The following PTPN23 variants were observed in gnomAD, a reference collection of about 807,000 sequenced individuals.
PTPN23 encodes tyrosine-protein phosphatase non-receptor type 23.
PTPN23 carries 72 observed loss-of-function variants against 156.3 expected under a neutral mutation model. That is an observed-to-expected ratio of 0.46 (90% CI 0.38 to 0.56). The LOEUF (loss-of-function observed/expected upper bound fraction) is 0.56. PTPN23 is among the 20% of genes least tolerant of loss of function. PTPN23 has a pLI of 0.00. For missense variants in PTPN23, 1,974 were observed against 2,171.5 expected (o/e 0.91, Z 1.81); for synonymous variants, 957 against 899.6 (o/e 1.06, Z -1.14).
At chr3:47,382,730 C>T (rs1266251206) in intron 1 of PTPN23, among the ~76,000 whole-genome samples, 1 of 125,208 alleles carries the variant, frequency 8.0e-6, no homozygotes, top group Non-Finnish European at 1.6e-5. Context: ...ACTCTGTCAC[C>T]CAGGCTGGAG....
Position 47,405,825 on chromosome 3 carries a change from T to C in PTPN23, c.414+27T>C, listed in dbSNP as rs979051926. ...TGAGGAGAGGGGCAGTAGTGGAACA[T>C]GTGGACATACCAGGGAGGGGCAGCC... On this transcript the variant is annotated intron_variant, in intron 5 of 24. Transcript: ENST00000265562. The surrounding 1 kb of genome is among the most constrained non-coding windows in gnomAD (Gnocchi z 4.7). 15 of 1,588,932 alleles carry C rather than the reference T, an allele frequency of 9.4e-6. No homozygotes were observed. Among genetic ancestry groups the C allele is most frequent in the African/African-American group, 1.3e-5 (1 of 74,426 alleles).
At chr3:47,398,472 C>T (rs1005746089) in intron 2 of PTPN23, among the ~76,000 whole-genome samples, 1 of 152,116 alleles carries the variant, frequency 6.6e-6, no homozygotes, top group Admixed American at 6.6e-5. Context: ...CAGATTCTCC[C>T]CCTTCCCCGG....
rs774907665 is a variant in PTPN23 at position 47,406,674 on chromosome 3, A to G, written c.760-29A>G. ...GCTGAGTGGCCACAGCTCAGGAAGC[A>G]AGTCGTGGCGTCTCTTCTTCTTTCC... On this transcript the variant is annotated intron_variant, in intron 8 of 24. Transcript: ENST00000265562. This position sits in a 1 kb window ranked among gnomAD's most constrained non-coding sequence, Gnocchi z 5.8. 5 of 1,613,860 alleles carry G rather than the reference A, an allele frequency of 3.1e-6. No homozygotes were observed. The African/African-American group carries it at 6.7e-5, about 22-fold the overall frequency.
rs1408272313 is a variant in PTPN23, at chr3:47,410,663, C to G, written c.2865C>G (p.Pro955=). The G allele has an allele frequency of 1.2e-6, 2 of 1,611,274 alleles. No homozygotes were observed. The highest frequency in any genetic ancestry group is 8.5e-7 in the Non-Finnish European group (1 of 1,179,076). The change falls in exon 20 of 25, where the codon CCC becomes CCG. Residue 955 remains proline, a synonymous_variant. Transcript: ENST00000265562. ...CAGCCCCAAGGATTGGGCCCCAGCC[C>G]CAGCCCCATCCTCAGCCCCATCCTT... ...GFPAPRIGPQ[P]QPHPQPHPSQ... is the part of the protein sequence containing the mutation.
intron 1 of PTPN23, among the ~76,000 whole-genome samples, chr3:47,382,579 C>G (rs370120348): frequency 6.6e-6 from 1 of 151,792 alleles, no homozygotes; most frequent in African/African-American, 2.4e-5. Context: ...CCTCGGCCTC[C>G]CAAAGTGCTG....
At chr3:47,382,976 C>T (rs933794657) in intron 1 of PTPN23, among the ~76,000 whole-genome samples, 30 of 152,050 alleles carry the variant, frequency 2.0e-4, no homozygotes, top group East Asian at 7.7e-4. Flanking sequence ...CATGAGCCAC[C>T]GCGCCTGGCC....
In PTPN23 at chr3:47,410,541, C is replaced by A; in HGVS notation, c.2743C>A (p.Pro915Thr). 1 of 1,611,486 alleles carries A rather than the reference C, an allele frequency of 6.2e-7. No individual in the cohort carries two copies. Among genetic ancestry groups the A allele is most frequent in the Non-Finnish European group, 8.5e-7 (1 of 1,179,140 alleles). Reference sequence around the variant, plus strand: ...CCCGCCCTGCTTCCCTGTGCCCCCACCGCAGCCACTGCCCACGCCTTACAC... The same window carrying A: ...CCCGCCCTGCTTCCCTGTGCCCCCAACGCAGCCACTGCCCACGCCTTACAC... ...PPPPCFPVPP[P>T]QPLPTPYTYP... Residue 915 changes from proline (P) to threonine (T), a missense_variant, in exon 20 of 25, where the codon CCG becomes ACG. By Grantham distance (38) the Pro-to-Thr change is conservative (BLOSUM62 -1). Coordinates refer to ENST00000265562, the MANE Select transcript of PTPN23 (RefSeq NM_015466.4).
Position 47,406,197 on chromosome 3 carries a change from G to T in PTPN23, c.547-128G>T. 1 of 1,458,550 alleles carries T rather than the reference G, an allele frequency of 6.9e-7. No homozygotes were observed. Among genetic ancestry groups the T allele is most frequent in the South Asian group, 1.2e-5 (1 of 81,294 alleles). 90.4% of individuals were successfully genotyped at this position (1,458,550 alleles called of 1,614,324 possible). On this transcript the variant is annotated intron_variant, in intron 6 of 24. Transcript: ENST00000265562. This position sits in a 1 kb window ranked among gnomAD's most constrained non-coding sequence, Gnocchi z 5.8. Reference sequence around the variant, plus strand: ...ATCAGGAGCACCGTGGTGCTGCTTGGAGTGGGGGCAGCTGGGGGAGAGGGC... The same window carrying T: ...ATCAGGAGCACCGTGGTGCTGCTTGTAGTGGGGGCAGCTGGGGGAGAGGGC...
rs959924197 is a variant in PTPN23 at position 47,404,900 on chromosome 3, C to G, written c.288-105C>G. 54 of 1,580,696 alleles carry G rather than the reference C, an allele frequency of 3.4e-5. No homozygotes were observed. The Admixed American group carries it at 9.1e-4, about 27-fold the overall frequency. On this transcript the variant is annotated intron_variant, in intron 3 of 24. Coordinates refer to ENST00000265562, the MANE Select transcript of PTPN23 (RefSeq NM_015466.4). ...TGGGGAATGGCCTCATATGGTCCCC[C>G]CAGGCCTCCCCACATCCCCACAATG...
In PTPN23 at chr3:47,410,272, C is replaced by T; in HGVS notation, c.2474C>T (p.Pro825Leu). 1.2e-6 allele frequency: 2 copies of T among 1,609,110 alleles called. No homozygotes were observed. Among genetic ancestry groups the T allele is most frequent in the South Asian group, 1.1e-5 (1 of 90,240 alleles). ...VAPGPALYPA[P>L]AYTPELGLVP... ...CCTGGGCCTGCCCTCTACCCAGCCCCTGCCTACACACCGGAGCTGGGCCTT... is the reference window on the plus strand; with the variant it reads ...CCTGGGCCTGCCCTCTACCCAGCCCTTGCCTACACACCGGAGCTGGGCCTT... The change falls in exon 20 of 25, where the codon CCT becomes CTT. Residue 825 changes from proline (P) to leucine (L), a missense_variant. Coordinates refer to ENST00000265562, the MANE Select transcript of PTPN23 (RefSeq NM_015466.4).
chr3:47,412,628 G>A lies in PTPN23; in HGVS notation c.4431+1G>A. ...GGCCAGTGCAAGCATCAGCCAGAAG[G>A]TGAGGAAGGTTCCGTGGAAGCTGCT... On this transcript the variant is annotated splice_donor_variant, in intron 24 of 24. Coordinates refer to ENST00000265562, the MANE Select transcript of PTPN23 (RefSeq NM_015466.4). LOFTEE classifies it high-confidence loss of function. 1 of 1,612,552 alleles carries A rather than the reference G, an allele frequency of 6.2e-7. No individual in the cohort carries two copies. Among genetic ancestry groups the A allele is most frequent in the Non-Finnish European group, 8.5e-7 (1 of 1,179,244 alleles).
At position 47,405,319 on chromosome 3, in the gene PTPN23, G is replaced by A; in HGVS notation, c.364+238G>A. 5 of 578,236 alleles carry A rather than the reference G, an allele frequency of 8.6e-6. No homozygotes were observed. The highest frequency in any genetic ancestry group is 1.6e-5 in the Non-Finnish European group (5 of 322,574). 35.8% of individuals were successfully genotyped at this position (578,236 alleles called of 1,614,324 possible). On this transcript the variant is annotated intron_variant, in intron 4 of 24. Coordinates refer to ENST00000265562, the MANE Select transcript of PTPN23 (RefSeq NM_015466.4). The surrounding 1 kb of genome is among the most constrained non-coding windows in gnomAD (Gnocchi z 4.7). ...CTGGCTGCCACACAGAGTTGCCACT[G>A]TGTGCTCTGTCTGGGAGAGAGGGCC...
intron 1 of PTPN23, among the ~76,000 whole-genome samples, chr3:47,395,922 C>T (rs1223690402): frequency 6.6e-6 from 1 of 152,108 alleles, no homozygotes; most frequent in East Asian, 1.9e-4. Context: ...GAGACTGCAG[C>T]GTTAGGAGGA....
In PTPN23 at chr3:47,407,253, T is replaced by A. The variant is rs1459624183; in HGVS notation, c.865-56T>A. 12 of 1,613,350 alleles carry A rather than the reference T, an allele frequency of 7.4e-6. No homozygotes were observed. In the Admixed American group the frequency reaches 1.2e-4, roughly 16 times the overall value. The stretch of plus-strand genomic sequence containing the variant: ...CAAGCCCGGTAGGACTGAGGGGGTG[T>A]CCTGGTGCCAGCCTTGGTTAGTGCT... On this transcript the variant is annotated intron_variant, in intron 10 of 24. Coordinates refer to ENST00000265562, the MANE Select transcript of PTPN23 (RefSeq NM_015466.4). This position sits in a 1 kb window ranked among gnomAD's most constrained non-coding sequence, Gnocchi z 4.0.
In PTPN23 at chr3:47,408,784, G is replaced by C. The variant is rs574942759; in HGVS notation, c.1339G>C (p.Gly447Arg). The change falls in exon 16 of 25, where the codon GGT becomes CGT. Residue 447 changes from glycine (G) to arginine (R), a missense_variant. Coordinates refer to ENST00000265562, the MANE Select transcript of PTPN23 (RefSeq NM_015466.4). Reference protein sequence around the residue: ...NLVQSMQVLSGVFTDVEASLK... With the variant: ...NLVQSMQVLSRVFTDVEASLK... The stretch of plus-strand genomic sequence containing the variant: ...ACAATCCACAACCCCAGTGCTGTCA[G>C]GTGTGTTCACGGATGTGGAGGCTTC... 2.7e-5 allele frequency: 43 copies of C among 1,592,430 alleles called. No individual in the cohort carries two copies. The Admixed American group carries it at 5.6e-4, about 21-fold the overall frequency.
intron 1 of PTPN23, among the ~76,000 whole-genome samples, chr3:47,386,697 A>G (rs897481417): frequency 1.3e-5 from 2 of 152,206 alleles, no homozygotes; most frequent in African/African-American, 2.4e-5. Context: ...AGTGAGGGGC[A>G]TGGGACATTG....
rs141120460 is a variant in PTPN23, at chr3:47,411,458, G to A, written c.3660G>A (p.Lys1220=). The A allele has an allele frequency of 1.2e-6, 2 of 1,613,246 alleles. No individual in the cohort carries two copies. Among genetic ancestry groups the A allele is most frequent in the Non-Finnish European group, 1.7e-6 (2 of 1,180,038 alleles). ...SIAIARCYSL[K]NRHQDVMPYD... ...CCATTGCCCGCTGCTACTCACTGAA[G>A]AACCGGCACCAGGATGTCATGCCCT... Residue 1220 remains lysine, a synonymous_variant, in exon 20 of 25, where the codon AAG becomes AAA. Coordinates refer to ENST00000265562, the MANE Select transcript of PTPN23 (RefSeq NM_015466.4). This position sits in a 1 kb window ranked among gnomAD's most constrained non-coding sequence, Gnocchi z 6.3.
chr3:47,411,564 TGCCCCCCGCTAGTGGCAACCCAG>T lies in PTPN23; in HGVS notation c.3772_3794del (p.Pro1258ThrfsTer7), dbSNP rs1705290859. 6.2e-7 allele frequency: 1 copy of T among 1,612,546 alleles called. No individual in the cohort carries two copies. The highest frequency in any genetic ancestry group is 1.1e-5 in the South Asian group (1 of 91,084). On this transcript the variant is annotated frameshift_variant, in exon 20 of 25. Transcript: ENST00000265562. LOFTEE classifies it high-confidence loss of function. This position sits in a 1 kb window ranked among gnomAD's most constrained non-coding sequence, Gnocchi z 6.3. ...CTGCGTGGAGGGGCTCTCCCCATAC[TGCCCCCCGCTAGTGGCAACCCAG>T]GCCCCACTGCCTGGCACAGCTGCTG...
intron 14 of PTPN23, 144 bp downstream of exon 14, chr3:47,408,099 G>A (rs148990441): frequency 2.2e-5 from 23 of 1,067,020 alleles, no homozygotes; most frequent in Middle Eastern, 2.9e-4. Flanking sequence ...CTGGGGTGGT[G>A]GGGCTAGTGT....
Sources: gnomAD v4.1 joint callset for allele counts (sites outside exome capture counted in the v4.1 genomes callset) on GRCh38, gnomAD v4.1.1 for gene constraint, Gnocchi (gnomAD v3.1) non-coding constraint, MANE v1.5 for transcripts, NCBI Gene and HGNC (gene_info 2026-07-23, HGNC 2026-07-21) for gene names.